The following ASPSCR1 variants were observed in gnomAD, a reference collection of about 807,000 sequenced individuals.
The protein encoded by ASPSCR1 is ASPSCR1 tether for SLC2A4, UBX domain containing.
Under a neutral mutation model 68.9 loss-of-function variants are expected in ASPSCR1, and 55 were observed. That is an observed-to-expected ratio of 0.80 (90% confidence interval 0.64 to 1.00). The LOEUF is 1.00. ASPSCR1 is among the 50% of genes least tolerant of loss of function. ASPSCR1 has a pLI of 0.00. For synonymous variants in ASPSCR1, 352 were observed against 332.6 expected, an observed-to-expected ratio of 1.06 and a Z score of -0.63; for missense variants, 765 against 762.2, an observed-to-expected ratio of 1.00 and a Z score of -0.04.
Position 81,983,104 on chromosome 17 carries a change from G to A in ASPSCR1, c.159-450G>A, listed in dbSNP as rs1327556879. On this transcript the variant is annotated intron_variant, in intron 2 of 15. Transcript: ENST00000306739. The surrounding 1 kb of genome is among the most constrained non-coding windows in gnomAD (Gnocchi z 4.4). The stretch of plus-strand genomic sequence containing the variant: ...AGGTGATCCGCCTGCCTCGGCCTCC[G>A]AAAGTGCTGGGATTACAGGCGTGAG... 6.6e-6 allele frequency among the ~76,000 whole-genome samples: 1 copy of A among 152,272 alleles called. No individual in the cohort carries two copies. The highest frequency in any genetic ancestry group is 1.9e-4 in the East Asian group (1 of 5,188).
intron 2 of ASPSCR1, among the ~76,000 whole-genome samples, chr17:81,979,492 C>T (rs921211573): frequency 5.9e-5 from 9 of 152,216 alleles, no homozygotes; most frequent in African/African-American, 2.2e-4. Flanking sequence ...TCTCTGCCTC[C>T]GATTTCTTGT....
At chr17:81,997,535 G>A (rs1461614401) in intron 7 of ASPSCR1, among the ~76,000 whole-genome samples, 1 of 146,046 alleles carries the variant, frequency 6.8e-6, no homozygotes, top group Non-Finnish European at 1.5e-5. Flanking sequence ...GTCCCTAGGT[G>A]GGCGTACAGT....
chr17:81,989,874 G>A (rs1389741011), intron 4 of ASPSCR1, among the ~76,000 whole-genome samples: 6 of 152,206 alleles, frequency 3.9e-5, no homozygotes, highest in African/African-American at 1.2e-4. Flanking sequence ...TGCAACCTCC[G>A]CCTCCCGGGT....
Position 81,990,011 on chromosome 17 carries a change from G to A in ASPSCR1, c.374+4404G>A, listed in dbSNP as rs1466486720. Among the ~76,000 whole-genome samples the A allele has an allele frequency of 2.0e-5, 3 of 152,168 alleles. No homozygotes were observed. Among genetic ancestry groups the A allele is most frequent in the Non-Finnish European group, 4.4e-5 (3 of 68,026 alleles). ...TCACCATGTTGGCCAGGCTGGTCAG[G>A]TGATCAGCCCGCCTCGGCCTCCCAA... On this transcript the variant is annotated intron_variant, in intron 4 of 15. Coordinates refer to ENST00000306739, the MANE Select transcript of ASPSCR1 (RefSeq NM_024083.4). The surrounding 1 kb of genome is among the most constrained non-coding windows in gnomAD (Gnocchi z 4.1).
intron 2 of ASPSCR1, among the ~76,000 whole-genome samples, chr17:81,982,029 C>T (rs1275469114): frequency 6.6e-6 from 1 of 152,062 alleles, no homozygotes; most frequent in East Asian, 1.9e-4. Context: ...AGTGCAATGG[C>T]GCGATCTTGG....
At position 81,990,405 on chromosome 17, in the gene ASPSCR1, G is replaced by T. The variant is rs527418859; in HGVS notation, c.375-4416G>T. Among the ~76,000 whole-genome samples the T allele has an allele frequency of 5.9e-5, 9 of 152,292 alleles. No homozygotes were observed. Among genetic ancestry groups the T allele is most frequent in the Non-Finnish European group, 8.8e-5 (6 of 68,028 alleles). The stretch of plus-strand genomic sequence containing the variant: ...TTCCCATTTTCCCTATAGTCTGAAG[G>T]TTCTGCCCAGCACAGAGGGGTGTGA... On this transcript the variant is annotated intron_variant, in intron 4 of 15. Coordinates refer to ENST00000306739, the MANE Select transcript of ASPSCR1 (RefSeq NM_024083.4). The surrounding 1 kb of genome is among the most constrained non-coding windows in gnomAD (Gnocchi z 4.1).
chr17:82,009,017 G>C lies in ASPSCR1; in HGVS notation c.934-20G>C. On this transcript the variant is annotated intron_variant, in intron 7 of 15. Coordinates refer to ENST00000306739, the MANE Select transcript of ASPSCR1 (RefSeq NM_024083.4). The stretch of plus-strand genomic sequence containing the variant: ...GCCCAGCCCGTGACACCCGCCGTCA[G>C]CCGCGCCCTCTGCCTCCAGCCCGTG... 1 of 1,496,562 alleles carries C rather than the reference G, an allele frequency of 6.7e-7. No individual in the cohort carries two copies. The highest frequency in any genetic ancestry group is 1.3e-5 in the South Asian group (1 of 78,212). The allele number at this position is 1,496,562 out of a possible 1,614,324, so 92.7% of individuals were successfully genotyped here.
In ASPSCR1 at chr17:81,983,236, TTC is replaced by T. The variant is rs1375530334; in HGVS notation, c.159-312_159-311del. On this transcript the variant is annotated intron_variant, in intron 2 of 15. Transcript: ENST00000306739. The surrounding 1 kb of genome is among the most constrained non-coding windows in gnomAD (Gnocchi z 4.4). ...TGCAGCAGTGTTCACGCCCCAGTCG[TTC>T]TCTCTGTGTTTTCCGAGCGTCTGCA... 6.6e-6 allele frequency among the ~76,000 whole-genome samples: 1 copy of T among 152,208 alleles called. No individual in the cohort carries two copies. Among genetic ancestry groups the T allele is most frequent in the African/African-American group, 2.4e-5 (1 of 41,468 alleles).
At chr17:81,979,350 A>T in intron 2 of ASPSCR1, 111 bp downstream of exon 2, 1 of 1,217,866 alleles carries the variant, frequency 8.2e-7, no homozygotes, top group Non-Finnish European at 1.2e-6. Flanking sequence ...ACAGTCATAT[A>T]TTCCCTCCCA....
intron 7 of ASPSCR1, 170 bp from the exon 8 acceptor site, chr17:82,008,867 G>A: frequency 2.5e-5 from 23 of 938,360 alleles, no homozygotes; most frequent in Non-Finnish European, 3.3e-5. Context: ...CAGCTGCTGT[G>A]CCCAGCCCTG....
chr17:82,015,676 C>A, intron 12 of ASPSCR1: 1 of 388,322 alleles, frequency 2.6e-6, no homozygotes, highest in Non-Finnish European at 4.7e-6. Flanking sequence ...TGAGCAGCCG[C>A]AGCCTGGGTG....
At chr17:82,002,847 C>T (rs942261856) in intron 7 of ASPSCR1, among the ~76,000 whole-genome samples, 4 of 152,000 alleles carry the variant, frequency 2.6e-5, no homozygotes, top group East Asian at 1.9e-4. Context: ...CGTGAGCCAC[C>T]GCGCCCGGCC....
At position 81,977,653 on chromosome 17, in the gene ASPSCR1, G is replaced by A; in HGVS notation, c.7G>A (p.Ala3Thr). Residue 3 changes from alanine (A) to threonine (T), a missense_variant, in exon 1 of 16, where the codon GCC (alanine) becomes ACC (threonine). Ala to Thr is a moderately conservative substitution (Grantham distance 58, BLOSUM62 0). Transcript: ENST00000306739. This position sits in a 1 kb window ranked among gnomAD's most constrained non-coding sequence, Gnocchi z 5.0. MA[A>T]PAGGGGSAVS... ...CGGGTCACGTGAGCGGAAAATGGCGGCCCCGGCAGGCGGCGGAGGCTCCGC... is the reference window on the plus strand; with the variant it reads ...CGGGTCACGTGAGCGGAAAATGGCGACCCCGGCAGGCGGCGGAGGCTCCGC... 1 of 1,396,088 alleles carries A rather than the reference G, an allele frequency of 7.2e-7. No individual in the cohort carries two copies. The highest frequency in any genetic ancestry group is 9.3e-7 in the Non-Finnish European group (1 of 1,072,080). 86.5% of individuals were successfully genotyped at this position (1,396,088 alleles called of 1,614,324 possible).
In ASPSCR1 at chr17:81,983,906, G is replaced by GGAGCTCAGTGGCGC. The variant is rs2041879462; in HGVS notation, c.273+239_273+252dup. Among the ~76,000 whole-genome samples the GGAGCTCAGTGGCGC allele has an allele frequency of 6.6e-6, 1 of 150,760 alleles. No individual in the cohort carries two copies. Among genetic ancestry groups the GGAGCTCAGTGGCGC allele is most frequent in the East Asian group, 2.0e-4 (1 of 5,110 alleles). ...GGAGTCTCGCTCTGTCGCCCAGGCTGGAGCTCAGTGGCGCAGTCTCGGCTC... is the reference window on the plus strand; with the variant it reads ...GGAGTCTCGCTCTGTCGCCCAGGCTGGAGCTCAGTGGCGCGAGCTCAGTGGCGCAGTCTCGGCTC... On this transcript the variant is annotated intron_variant, in intron 3 of 15. Transcript: ENST00000306739. The surrounding 1 kb of genome is among the most constrained non-coding windows in gnomAD (Gnocchi z 4.4).
At position 81,996,470 on chromosome 17, in the gene ASPSCR1, G is replaced by T. The variant is rs1283858159; in HGVS notation, c.557G>T (p.Gly186Val). 2 of 1,609,574 alleles carry T rather than the reference G, an allele frequency of 1.2e-6. No individual in the cohort carries two copies. The highest frequency in any genetic ancestry group is 1.7e-6 in the Non-Finnish European group (2 of 1,177,646). ...DPVGKTPGSL[G>V]SSASAGQAAA... ...GTGGGCAAGACCCCAGGAAGCCTGG[G>T]CTCGTCAGCGTCGGCTGGCCAGGCA... Residue 186 changes from glycine (G) to valine (V), a missense_variant, in exon 7 of 16, where the codon GGC becomes GTC. Gly to Val is a moderately radical substitution (Grantham distance 109, BLOSUM62 -3). Coordinates refer to ENST00000306739, the MANE Select transcript of ASPSCR1 (RefSeq NM_024083.4).
chr17:81,996,508 C>T lies in ASPSCR1; in HGVS notation c.595C>T (p.Pro199Ser). 1 of 1,612,636 alleles carries T rather than the reference C, an allele frequency of 6.2e-7. No homozygotes were observed. Among genetic ancestry groups the T allele is most frequent in the Non-Finnish European group, 8.5e-7 (1 of 1,179,650 alleles). ...ASAGQAAASA[P>S]LPLESGELSR... is the part of the protein sequence containing the mutation. ...GGCTGGCCAGGCAGCCGCCAGCGCT[C>T]CACTTCCCTTGGAATCTGGGGAGCT... Residue 199 changes from proline to serine, a missense_variant, in exon 7 of 16, where the codon CCA (proline) becomes TCA (serine). Transcript: ENST00000306739.
intron 9 of ASPSCR1, chr17:82,010,190 G>T (rs2144090119): frequency 4.2e-6 from 1 of 238,444 alleles, no homozygotes; most frequent in Admixed American, 5.8e-5. Context: ...CCAAAGTTCT[G>T]GGATTACAGG....
In ASPSCR1 at chr17:81,977,882, C is replaced by A; in HGVS notation, c.102+134C>A. 1 of 586,914 alleles carries A rather than the reference C, an allele frequency of 1.7e-6. No individual in the cohort carries two copies. The highest frequency in any genetic ancestry group is 2.4e-6 in the Non-Finnish European group (1 of 416,106). 36.4% of individuals were successfully genotyped at this position (586,914 alleles called of 1,614,324 possible). On this transcript the variant is annotated intron_variant, in intron 1 of 15. Transcript: ENST00000306739. This position sits in a 1 kb window ranked among gnomAD's most constrained non-coding sequence, Gnocchi z 5.0. ...CAATGAGCGGCCTCCTGAGCGGCGGCCCCGCCCCCTGCTCGCCGTCACCTG... is the reference window on the plus strand; with the variant it reads ...CAATGAGCGGCCTCCTGAGCGGCGGACCCGCCCCCTGCTCGCCGTCACCTG...
chr17:81,994,909 C>A, intron 5 of ASPSCR1, 31 bp downstream of exon 5: 1 of 1,590,380 alleles, frequency 6.3e-7, no homozygotes, highest in Non-Finnish European at 8.6e-7. Flanking sequence ...CACCCAGTCC[C>A]CGCTCACTTT....
Sources: gnomAD v4.1 joint callset for allele counts (sites outside exome capture counted in the v4.1 genomes callset) on GRCh38, gnomAD v4.1.1 for gene constraint, Gnocchi (gnomAD v3.1) non-coding constraint, MANE v1.5 for transcripts, NCBI Gene and HGNC (gene_info 2026-07-23, HGNC 2026-07-21) for gene names.